The following FOSL2 variants were observed in gnomAD, a reference collection of about 807,000 sequenced individuals.
The protein encoded by FOSL2 is fos-related antigen 2.
In FOSL2, 3 loss-of-function variants were observed where a neutral mutation model predicts 27.7. The ratio of observed to expected loss-of-function variants is 0.11; its 90% CI spans 0.05 to 0.28. FOSL2 has a LOEUF of 0.28. FOSL2 is among the 10% of genes least tolerant of loss of function. The probability of loss-of-function intolerance (pLI) is 1.00; values close to 1 mark genes in which losing one functional copy is unlikely to be tolerated. For synonymous variants in FOSL2, 179 were observed against 190.1 expected (o/e 0.94, Z 0.48); for missense variants, 333 against 445.1 (o/e 0.75, Z 2.27).
At chr2:28,395,477 A>G (rs1663797337) in intron 1 of FOSL2, 1 of 152,232 alleles carries the variant, frequency 6.6e-6, no homozygotes, top group Non-Finnish European at 1.5e-5. Context: ...TCAGTGCCCC[A>G]ACTGAATAAT....
At chr2:28,396,980 A>C (rs536589775) in intron 1 of FOSL2, 2 of 152,314 alleles carry the variant, frequency 1.3e-5, no homozygotes, top group South Asian at 4.1e-4. Context: ...ATTTTTAGGA[A>C]AACTATCTTG....
At chr2:28,409,261 A>G (rs1572494288) in intron 3 of FOSL2, among the ~76,000 whole-genome samples, 1 of 151,960 alleles carries the variant, frequency 6.6e-6, no homozygotes, top group East Asian at 1.9e-4. Flanking sequence ...GGTTCCAGCC[A>G]CTCCCATGCC....
chr2:28,404,006 G>A lies in FOSL2; in HGVS notation c.103-101G>A. ...ACCTTGCCCTTCGAACACTGACTGT[G>A]CTCTGTGCTGGTTTTTGCCTCAGCT... On this transcript the variant is annotated intron_variant, in intron 1 of 3. Transcript: ENST00000264716. This position sits in a 1 kb window ranked among gnomAD's most constrained non-coding sequence, Gnocchi z 4.7. 3 of 1,402,106 alleles carry A rather than the reference G, an allele frequency of 2.1e-6. No homozygotes were observed. Among genetic ancestry groups the A allele is most frequent in the South Asian group, 1.3e-5 (1 of 77,594 alleles). 86.9% of individuals were successfully genotyped at this position (1,402,106 alleles called of 1,614,324 possible).
rs1398987504 is a variant in FOSL2 at position 28,393,526 on chromosome 2, C to T, written c.-195C>T. On this transcript the variant is annotated 5_prime_UTR_variant, in exon 1 of 4. Transcript: ENST00000264716. This position sits in a 1 kb window ranked among gnomAD's most constrained non-coding sequence, Gnocchi z 4.6. Reference sequence around the variant, plus strand: ...CCGGAAAGAAGTGCTGTAAGGGACGCTCGGGGGACGCTGTTCCTGAGGTGT... The same window carrying T: ...CCGGAAAGAAGTGCTGTAAGGGACGTTCGGGGGACGCTGTTCCTGAGGTGT... 7.2e-6 allele frequency: 4 copies of T among 553,420 alleles called. No homozygotes were observed. Among genetic ancestry groups the T allele is most frequent in the Admixed American group, 3.8e-5 (1 of 26,288 alleles). 34.3% of individuals were successfully genotyped at this position (553,420 alleles called of 1,614,324 possible).
rs1664222743 is a variant in FOSL2, at chr2:28,412,344, C to T, written c.877C>T (p.Pro293Ser). The change falls in exon 4 of 4, where the codon CCC becomes TCC. Residue 293 changes from proline to serine, a missense_variant. Physicochemically the swap from Pro to Ser is moderately conservative, Grantham distance 74. This residue lies in a region of FOSL2 where 26 missense variants were observed against 59.3 expected (regional missense o/e 0.44). Transcript: ENST00000264716. This position sits in a 1 kb window ranked among gnomAD's most constrained non-coding sequence, Gnocchi z 7.1. ...TYPSVLEQES[P>S]ASPSESCSKA... ...TCCTAGCGTCCTGGAGCAGGAGTCACCCGCATCTCCCTCCGAATCCTGCTC... is the reference window on the plus strand; with the variant it reads ...TCCTAGCGTCCTGGAGCAGGAGTCATCCGCATCTCCCTCCGAATCCTGCTC... The T allele has an allele frequency of 1.9e-6, 3 of 1,613,310 alleles. No individual in the cohort carries two copies. The highest frequency in any genetic ancestry group is 1.7e-6 in the Non-Finnish European group (2 of 1,180,010).
At chr2:28,397,488 G>A (rs1663878685) in intron 1 of FOSL2, among the ~76,000 whole-genome samples, 1 of 152,142 alleles carries the variant, frequency 6.6e-6, no homozygotes, top group Non-Finnish European at 1.5e-5. Flanking sequence ...ATTCTTGATG[G>A]TGGAAGTCAG....
In FOSL2 at chr2:28,393,932, G is replaced by T; in HGVS notation, c.102+110G>T. On this transcript the variant is annotated intron_variant, in intron 1 of 3. Transcript: ENST00000264716. The surrounding 1 kb of genome is among the most constrained non-coding windows in gnomAD (Gnocchi z 4.6). ...TTTTTCTTGGCGAGAAAATACCTAC[G>T]GGCCACCGTTGTAAGTTCTGGATTT... The T allele has an allele frequency of 1.3e-6, 1 of 774,904 alleles. No homozygotes were observed. The highest frequency in any genetic ancestry group is 1.8e-5 in the South Asian group (1 of 55,444). The allele number at this position is 774,904 out of a possible 1,614,324, so 48.0% of individuals were successfully genotyped here. A position where few individuals can be genotyped will look rare whatever the true frequency, so the allele number is the denominator to read the frequency against.
intron 3 of FOSL2, 93 bp from the exon 4 acceptor site, chr2:28,411,835 TCA>T: frequency 3.7e-6 from 5 of 1,360,214 alleles, no homozygotes; most frequent in Non-Finnish European, 5.2e-6. Context: ...GCCTCTGCTC[TCA>T]CAGTGTCTGA....
intron 1 of FOSL2, among the ~76,000 whole-genome samples, chr2:28,398,517 C>T (rs902580146): frequency 1.8e-4 from 27 of 152,228 alleles, no homozygotes; most frequent in African/African-American, 6.5e-4. Context: ...TTCCCCAGTG[C>T]TTTGGAGTGG....
rs1664311859 is a variant in FOSL2 at position 28,416,368 on chromosome 2, T to C, written c.*3920T>C. 1 of 152,146 alleles carries C rather than the reference T, an allele frequency of 6.6e-6. No homozygotes were observed. Among genetic ancestry groups the C allele is most frequent in the Non-Finnish European group, 1.5e-5 (1 of 68,034 alleles). 9.4% of individuals were successfully genotyped at this position (152,146 alleles called of 1,614,324 possible). A position where few individuals can be genotyped will look rare whatever the true frequency, so the allele number is the denominator to read the frequency against. On this transcript the variant is annotated 3_prime_UTR_variant, in exon 4 of 4. Transcript: ENST00000264716. ...GAAGAAATTGACATTTATTTTATTA[T>C]TTATTTTAAATGTTTACATCTTCTT...
intron 1 of FOSL2, among the ~76,000 whole-genome samples, chr2:28,396,113 G>A (rs1232048959): frequency 6.6e-6 from 1 of 152,150 alleles, no homozygotes; most frequent in Non-Finnish European, 1.5e-5. Flanking sequence ...ATCCATATGA[G>A]ACAGTTCTCT....
chr2:28,409,847 T>C (rs1664155038), intron 3 of FOSL2, among the ~76,000 whole-genome samples: 1 of 152,192 alleles, frequency 6.6e-6, no homozygotes, highest in Admixed American at 6.5e-5. Flanking sequence ...TTCAAGCCAT[T>C]CTCCTGCCTC....
At chr2:28,397,775 G>A (rs1663885374) in intron 1 of FOSL2, among the ~76,000 whole-genome samples, 1 of 152,186 alleles carries the variant, frequency 6.6e-6, no homozygotes, top group Admixed American at 6.5e-5. Context: ...CTGCGGCTAT[G>A]CTTAGACTCA....
intron 1 of FOSL2, among the ~76,000 whole-genome samples, chr2:28,396,288 G>C (rs1482874380): frequency 6.6e-6 from 1 of 151,842 alleles, no homozygotes; most frequent in Non-Finnish European, 1.5e-5. Context: ...AGTGACTTTG[G>C]GGGTGGGGGG....
chr2:28,396,809 C>CACACACAA (rs1288513493), intron 1 of FOSL2: 1 of 150,408 alleles, frequency 6.6e-6, no homozygotes, highest in African/African-American at 2.5e-5. Context: ...CACACACACA[C>CACACACAA]ACACACACAC....
At chr2:28,400,079 G>A (rs1251561086) in intron 1 of FOSL2, among the ~76,000 whole-genome samples, 1 of 152,176 alleles carries the variant, frequency 6.6e-6, no homozygotes. Context: ...TTGCCAGGCT[G>A]GAATGCTACA....
chr2:28,400,277 A>G (rs182412003), intron 1 of FOSL2, among the ~76,000 whole-genome samples: 1 of 152,264 alleles, frequency 6.6e-6, no homozygotes, highest in East Asian at 1.9e-4. Context: ...GTTTGTGTTT[A>G]GTGTTAACTC....
chr2:28,393,838 G>A lies in FOSL2; in HGVS notation c.102+16G>A, dbSNP rs927956398. 6.4e-7 allele frequency: 1 copy of A among 1,563,570 alleles called. No homozygotes were observed. Among genetic ancestry groups the A allele is most frequent in the Non-Finnish European group, 8.7e-7 (1 of 1,150,288 alleles). On this transcript the variant is annotated intron_variant, in intron 1 of 3. Coordinates refer to ENST00000264716, the MANE Select transcript of FOSL2 (RefSeq NM_005253.4). This position sits in a 1 kb window ranked among gnomAD's most constrained non-coding sequence, Gnocchi z 4.6. ...CGGCCAGCAGGTAGGTGCGGGCCCC[G>A]GTGCACCTGGCGGCGCGGGCGGACC...
In FOSL2 at chr2:28,392,945, GGAGA is replaced by G. The variant is rs72195155; in HGVS notation, c.-758_-755del. On this transcript the variant is annotated 5_prime_UTR_variant, in exon 1 of 4. Transcript: ENST00000264716. ...CGGCGCTCGGCGGGGACAGAAAGAGGGAGAGAGAGAGAGAGAGAGAGGGAGAGGC... is the reference window on the plus strand; with the variant it reads ...CGGCGCTCGGCGGGGACAGAAAGAGGGAGAGAGAGAGAGAGAGGGAGAGGC... 2,184 of 667,498 alleles carry G rather than the reference GGAGA, an allele frequency of 3.3e-3. 3 individuals are homozygous for G. The highest frequency in any genetic ancestry group is 0.02 in the African/African-American group (1,064 of 54,262). 41.3% of individuals were successfully genotyped at this position (667,498 alleles called of 1,614,324 possible). A position where few individuals can be genotyped will look rare whatever the true frequency, so the allele number is the denominator to read the frequency against.
Sources: allele counts gnomAD v4.1 joint callset (sites outside exome capture counted in the v4.1 genomes callset), GRCh38; gene constraint gnomAD v4.1.1; regional missense constraint gnomAD v4.1.1; non-coding constraint Gnocchi (gnomAD v3.1); transcripts MANE v1.5; gene names NCBI Gene and HGNC (gene_info 2026-07-23, HGNC 2026-07-21).